The following PTN variants were observed in gnomAD, a reference collection of about 807,000 sequenced individuals.
PTN encodes heparin affin regulatory protein.
In PTN, 18 loss-of-function variants were observed where a neutral mutation model predicts 24.1. That is an observed-to-expected ratio of 0.75 (90% CI 0.52 to 1.11). PTN has a LOEUF of 1.11. Ranked by LOEUF, PTN falls within the 50% of genes least tolerant of loss-of-function variation. PTN has a pLI of 0.00. For synonymous variants in PTN, 78 were observed against 68.6 expected, an observed-to-expected ratio of 1.14 and a Z score of -0.67; for missense variants, 163 against 198.8, an observed-to-expected ratio of 0.82 and a Z score of 1.08.
intron 1 of PTN, among the ~76,000 whole-genome samples, chr7:137,302,938 G>A (rs181550659): frequency 1.3e-3 from 191 of 150,766 alleles, no homozygotes; most frequent in African/African-American, 4.4e-3. Context: ...ACTATTGCTT[G>A]TATGGTCTCA....
chr7:137,229,850 G>A (rs541380982), intron 4 of PTN, among the ~76,000 whole-genome samples: 17 of 151,826 alleles, frequency 1.1e-4, no homozygotes, highest in Admixed American at 3.9e-4. Flanking sequence ...TGTAATTTCC[G>A]AAAAATTATT....
intron 1 of PTN, among the ~76,000 whole-genome samples, chr7:137,338,381 G>A (rs1259665581): frequency 6.6e-6 from 1 of 152,154 alleles, no homozygotes; most frequent in Non-Finnish European, 1.5e-5. Flanking sequence ...GCTACGTTAT[G>A]TGGCAAATGT....
At chr7:137,279,322 C>G (rs2128875730) in intron 1 of PTN, among the ~76,000 whole-genome samples, 1 of 152,242 alleles carries the variant, frequency 6.6e-6, no homozygotes, top group South Asian at 2.1e-4. Context: ...GCATGGTCAT[C>G]TAATCAGTTA....
chr7:137,322,008 C>G lies in PTN; in HGVS notation c.-2+21431G>C, dbSNP rs146807235. On this transcript the variant is annotated intron_variant, in intron 1 of 4. Coordinates refer to ENST00000348225, the MANE Select transcript of PTN (RefSeq NM_002825.7). ...CTGTTATTTTATCTCAGCCCAGGAACAGAAACATGTTTAGCTGAAGCTTAG... is the reference window on the plus strand; with the variant it reads ...CTGTTATTTTATCTCAGCCCAGGAAGAGAAACATGTTTAGCTGAAGCTTAG... Among the ~76,000 whole-genome samples, 3 of 152,288 alleles carry G rather than the reference C, an allele frequency of 2.0e-5. No individual in the cohort carries two copies. In the East Asian group the frequency reaches 5.8e-4, roughly 29 times the overall value.
rs146789227 is a variant in PTN at position 137,319,381 on chromosome 7, C to T, written c.-2+24058G>A. 2.6e-3 allele frequency among the ~76,000 whole-genome samples: 398 copies of T among 152,280 alleles called. 4 individuals are homozygous for T. The highest frequency in any genetic ancestry group is 9.1e-3 in the African/African-American group (379 of 41,552). ...CTTTCTTCCATTTGTTCTCAGAAAG[C>T]TTAAGTCTCCAAAGCGGGCATGACT... is the stretch of plus-strand genomic sequence containing the variant. On this transcript the variant is annotated intron_variant, in intron 1 of 4. Coordinates refer to ENST00000348225, the MANE Select transcript of PTN (RefSeq NM_002825.7).
intron 4 of PTN, among the ~76,000 whole-genome samples, chr7:137,241,858 A>C (rs1808634162): frequency 6.6e-6 from 1 of 152,162 alleles, no homozygotes; most frequent in African/African-American, 2.4e-5. Context: ...GGCCAAGTAC[A>C]AGGGCAGTAA....
chr7:137,237,359 A>G (rs7784504), intron 4 of PTN, among the ~76,000 whole-genome samples: 10,577 of 152,158 alleles, frequency 0.07, 1,110 homozygotes, highest in African/African-American at 0.23. Flanking sequence ...GAACTATGAG[A>G]AAATAAAGTT....
At chr7:137,312,635 C>A (rs73452985) in intron 1 of PTN, among the ~76,000 whole-genome samples, 18,270 of 152,012 alleles carry the variant, frequency 0.12, 3,524 homozygotes, top group African/African-American at 0.41. Context: ...AAATGTGAAG[C>A]TATTAACCAC....
At chr7:137,271,942 C>G (rs1312315067) in intron 1 of PTN, among the ~76,000 whole-genome samples, 2 of 152,356 alleles carry the variant, frequency 1.3e-5, no homozygotes, top group South Asian at 2.1e-4. Flanking sequence ...TCCTGGCACA[C>G]AGCAGACCCA....
intron 1 of PTN, among the ~76,000 whole-genome samples, chr7:137,333,830 G>A (rs1810400480): frequency 6.6e-6 from 1 of 152,064 alleles, no homozygotes; most frequent in Non-Finnish European, 1.5e-5. Context: ...CATGGTACTG[G>A]TACCAAAACA....
intron 1 of PTN, among the ~76,000 whole-genome samples, chr7:137,258,184 G>T (rs1808969153): frequency 6.6e-6 from 1 of 152,000 alleles, no homozygotes; most frequent in Non-Finnish European, 1.5e-5. Context: ...AAAATTTTTA[G>T]TATAGAATAG....
chr7:137,288,501 A>G (rs575375672), intron 1 of PTN, among the ~76,000 whole-genome samples: 23 of 152,324 alleles, frequency 1.5e-4, no homozygotes, highest in African/African-American at 5.1e-4. Flanking sequence ...ACTACATTCC[A>G]GGGGCCTCCA....
At chr7:137,229,224 A>G (rs190308991) in intron 4 of PTN, among the ~76,000 whole-genome samples, 21 of 151,956 alleles carry the variant, frequency 1.4e-4, no homozygotes, top group Non-Finnish European at 2.8e-4. Context: ...TAGAGCAAGA[A>G]CAAGAGATCA....
At position 137,251,401 on chromosome 7, in the gene PTN, G is replaced by A. The variant is rs746243437; in HGVS notation, c.290-10C>T. The A allele has an allele frequency of 2.5e-6, 4 of 1,611,418 alleles. No homozygotes were observed. The highest frequency in any genetic ancestry group is 3.3e-4 in the Middle Eastern group (2 of 6,038). On this transcript the variant is annotated splice_polypyrimidine_tract_variant and intron_variant, in intron 3 of 4. Coordinates refer to ENST00000348225, the MANE Select transcript of PTN (RefSeq NM_002825.7). ...TGGTATTTGCACTCCGCTAAAGGCA[G>A]GGTAGAACCAAACAGAAATCCTTGA... is the stretch of plus-strand genomic sequence containing the variant.
chr7:137,302,111 C>T (rs566535630), intron 1 of PTN, among the ~76,000 whole-genome samples: 2 of 152,026 alleles, frequency 1.3e-5, no homozygotes, highest in Non-Finnish European at 2.9e-5. Flanking sequence ...TAATAAGTCA[C>T]CTTATTTATA....
At chr7:137,238,775 G>A (rs1184161570) in intron 4 of PTN, among the ~76,000 whole-genome samples, 3 of 152,142 alleles carry the variant, frequency 2.0e-5, no homozygotes, top group Admixed American at 6.6e-5. Context: ...GCTTGAGTGA[G>A]ACAATGCAGG....
intron 1 of PTN, among the ~76,000 whole-genome samples, chr7:137,281,183 T>C (rs1809468085): frequency 6.6e-6 from 1 of 151,270 alleles, no homozygotes; most frequent in African/African-American, 2.4e-5. Context: ...CAAGAGCTCA[T>C]AGAATATAAA....
At chr7:137,335,703 C>T (rs1810436293) in intron 1 of PTN, among the ~76,000 whole-genome samples, 1 of 152,106 alleles carries the variant, frequency 6.6e-6, no homozygotes, top group South Asian at 2.1e-4. Context: ...TTGGCAAAGA[C>T]CCTGGGTGAC....
chr7:137,235,341 G>A (rs1009411308), intron 4 of PTN, among the ~76,000 whole-genome samples: 2 of 152,090 alleles, frequency 1.3e-5, no homozygotes, highest in African/African-American at 4.8e-5. Flanking sequence ...AAGGCTTGTC[G>A]AATTGTGAAC....
Sources: allele counts gnomAD v4.1 joint callset (sites outside exome capture counted in the v4.1 genomes callset), GRCh38; gene constraint gnomAD v4.1.1; transcripts MANE v1.5; gene names NCBI Gene and HGNC (gene_info 2026-07-23, HGNC 2026-07-21).